The following COL5A3 variants were observed in gnomAD, a reference collection of about 807,000 sequenced individuals.
COL5A3 encodes collagen alpha-3(V) chain.
In COL5A3, 172 loss-of-function variants were observed where a neutral mutation model predicts 250.0. That is an observed-to-expected ratio of 0.69 (90% confidence interval 0.61 to 0.78). The LOEUF (loss-of-function observed/expected upper bound fraction) is 0.78. Among genes scored for constraint, COL5A3 ranks in the 30% least tolerant of loss-of-function variants. The pLI is 0.00. For synonymous variants in COL5A3, 937 were observed against 900.4 expected, an observed-to-expected ratio of 1.04 and a Z score of -0.73; for missense variants, 2,340 against 2,334.4, an observed-to-expected ratio of 1.00 and a Z score of -0.05.
chr19:9,977,304 G>A lies in COL5A3; in HGVS notation c.3235-22C>T, dbSNP rs2086936057. The A allele has an allele frequency of 2.5e-6, 4 of 1,613,846 alleles. No homozygotes were observed. In the South Asian group the frequency reaches 3.3e-5, roughly 13 times the overall value. On this transcript the variant is annotated intron_variant, in intron 43 of 66. Transcript: ENST00000264828. ...CCCCCTGCAGAGGAAATGGGATGAA[G>A]GACCCAGCTTCCATTCACCCCCATC...
At chr19:9,988,851 A>AGAGAGAGAG (rs538318191) in intron 27 of COL5A3, among the ~76,000 whole-genome samples, 3,344 of 67,178 alleles carry the variant, frequency 0.05, 145 homozygotes, top group East Asian at 0.2. Context: ...AAAAAAAAAA[A>AGAGAGAGAG]AAAAAAAGAA....
At position 9,996,240 on chromosome 19, in the gene COL5A3, C is replaced by A; in HGVS notation, c.1445G>T (p.Gly482Val). Residue 482 changes from glycine to valine, a missense_variant, in exon 14 of 67, where the codon GGT (glycine) becomes GTT (valine). This residue lies in a region of COL5A3 where 1,152 missense variants were observed against 1,146.3 expected (regional missense o/e 1.00). Coordinates refer to ENST00000264828, the MANE Select transcript of COL5A3 (RefSeq NM_015719.4). Reference protein sequence around the residue: ...QTQLSMKGPPGPVGLTGRPGP... With the variant: ...QTQLSMKGPPVPVGLTGRPGP... Reference sequence around the variant, plus strand: ...TGGGCGCCCAGTGAGCCCCACTGGACCAGGGGGGCCTTTCATAGAGAGCTG... The same window carrying A: ...TGGGCGCCCAGTGAGCCCCACTGGAACAGGGGGGCCTTTCATAGAGAGCTG... The A allele has an allele frequency of 6.3e-7, 1 of 1,576,148 alleles. No individual in the cohort carries two copies. Among genetic ancestry groups the A allele is most frequent in the Non-Finnish European group, 8.6e-7 (1 of 1,163,466 alleles).
intron 35 of COL5A3, 65 bp downstream of exon 35, chr19:9,980,583 C>T (rs902934939): frequency 4.5e-6 from 7 of 1,560,776 alleles, no homozygotes; most frequent in Non-Finnish European, 6.1e-6. Flanking sequence ...GTTTGTCCTC[C>T]ACTCAGAATC....
intron 8 of COL5A3, 80 bp from the exon 9 acceptor site, chr19:9,998,229 CTT>C: frequency 4.6e-6 from 6 of 1,299,588 alleles, no homozygotes; most frequent in Non-Finnish European, 6.4e-6. Flanking sequence ...ATCACACACA[CTT>C]GCACACACAC....
chr19:9,980,330 C>T lies in COL5A3; in HGVS notation c.2605-283G>A, dbSNP rs189674701. 5.9e-5 allele frequency among the ~76,000 whole-genome samples: 9 copies of T among 152,302 alleles called. No homozygotes were observed. The East Asian group carries it at 1.7e-3, about 29-fold the overall frequency. On this transcript the variant is annotated intron_variant, in intron 35 of 66. Coordinates refer to ENST00000264828, the MANE Select transcript of COL5A3 (RefSeq NM_015719.4). ...GTGAGTGGCAGAGCCAGGACTTGAA[C>T]TCATGGCTCTCTGACTTCACAGGCT...
At position 9,968,274 on chromosome 19, in the gene COL5A3, C is replaced by A; in HGVS notation, c.4314+111G>T. ...CCCAGATACATCCCCCTATTTTCCC[C>A]ACACACACCCTCATTAATCCAGACC... On this transcript the variant is annotated intron_variant, in intron 59 of 66. Transcript: ENST00000264828. The surrounding 1 kb of genome is among the most constrained non-coding windows in gnomAD (Gnocchi z 4.1). The A allele has an allele frequency of 1.9e-6, 2 of 1,056,340 alleles. No homozygotes were observed. Among genetic ancestry groups the A allele is most frequent in the Non-Finnish European group, 2.8e-6 (2 of 705,704 alleles). 65.4% of individuals were successfully genotyped at this position (1,056,340 alleles called of 1,614,324 possible).
chr19:9,987,566 A>G, intron 27 of COL5A3, among the ~76,000 whole-genome samples: 1 of 150,266 alleles, frequency 6.7e-6, no homozygotes, highest in East Asian at 2.0e-4. Context: ...GGAAAACCTC[A>G]TCTATACAAA....
In COL5A3 at chr19:9,976,550, G is replaced by A. The variant is rs752463783; in HGVS notation, c.3342+8C>T. 74 of 1,562,154 alleles carry A rather than the reference G, an allele frequency of 4.7e-5. No individual in the cohort carries two copies. The East Asian group carries it at 1.5e-3, about 31-fold the overall frequency. ...CCAGAGAAGGACTGAAAAGATGGGG[G>A]CACTCACCGGGGGACCTGGGTGTCC... On this transcript the variant is annotated splice_region_variant and intron_variant, in intron 45 of 66. Coordinates refer to ENST00000264828, the MANE Select transcript of COL5A3 (RefSeq NM_015719.4).
chr19:9,981,423 G>A (rs2087007052), intron 32 of COL5A3, among the ~76,000 whole-genome samples: 1 of 152,178 alleles, frequency 6.6e-6, no homozygotes, highest in Admixed American at 6.5e-5. Flanking sequence ...ATGATTGCAT[G>A]TAATCATGGC....
intron 31 of COL5A3, 36 bp downstream of exon 31, chr19:9,985,806 C>G: frequency 6.3e-7 from 1 of 1,587,958 alleles, no homozygotes. Context: ...GAATCCTGCC[C>G]ATATCCATCT....
intron 10 of COL5A3, 143 bp from the exon 11 acceptor site, chr19:9,997,576 C>A (rs1343428565): frequency 3.3e-6 from 2 of 611,126 alleles, no homozygotes; most frequent in Non-Finnish European, 5.8e-6. Context: ...CAATACTGAC[C>A]CCCACTCACC....
chr19:9,996,002 G>A (rs907025984), intron 15 of COL5A3, 64 bp downstream of exon 15: 7 of 1,416,458 alleles, frequency 4.9e-6, no homozygotes, highest in Non-Finnish European at 6.6e-6. Flanking sequence ...ATCCAGCACT[G>A]TATCTTGTGG....
intron 28 of COL5A3, 27 bp downstream of exon 28, chr19:9,986,687 C>T (rs773796864): frequency 1.2e-6 from 2 of 1,613,810 alleles, no homozygotes; most frequent in East Asian, 2.2e-5. Context: ...GACTCCCTCT[C>T]CTCTGATGAG....
In COL5A3 at chr19:9,973,617, G is replaced by A. The variant is rs1323427594; in HGVS notation, c.3619C>T (p.Arg1207Ter). 6.2e-6 allele frequency: 10 copies of A among 1,612,422 alleles called. No homozygotes were observed. Among genetic ancestry groups the A allele is most frequent in the South Asian group, 2.2e-5 (2 of 90,824 alleles). Residue 1207 changes from arginine (R) to a stop codon, truncating the protein, a stop_gained, in exon 50 of 67, where the codon CGA becomes TGA. Coordinates refer to ENST00000264828, the MANE Select transcript of COL5A3 (RefSeq NM_015719.4). LOFTEE classifies it high-confidence loss of function. ...GGCCCTGGGTCTCCAGCGTCCCCTC[G>A]CTCACCCTGCAGGAGGCAAAGTGAG... ...QPGAVGEKGE[R>*]GDAGDPGPPG...
chr19:9,971,141 G>A (rs2086839863), intron 52 of COL5A3, 64 bp downstream of exon 52: 1 of 1,416,510 alleles, frequency 7.1e-7, no homozygotes, highest in African/African-American at 1.5e-5. Context: ...CCAGGTCTGT[G>A]GGGGTAGGGA....
rs760851630 is a variant in COL5A3 at position 10,001,802 on chromosome 19, G to A, written c.929C>T (p.Thr310Ile). 12 of 1,614,018 alleles carry A rather than the reference G, an allele frequency of 7.4e-6. No individual in the cohort carries two copies. The highest frequency in any genetic ancestry group is 3.3e-5 in the Admixed American group (2 of 60,002). ...CGTGGCATTGAGTCCAGTAGTCACAGTGGAGGTGACGACCAAAGGCGTGGG... is the reference window on the plus strand; with the variant it reads ...CGTGGCATTGAGTCCAGTAGTCACAATGGAGGTGACGACCAAAGGCGTGGG... ...PTPTPLVVTS[T>I]VTTGLNATIL... The change falls in exon 7 of 67, where the codon ACT (threonine) becomes ATT (isoleucine). Residue 310 changes from threonine (T) to isoleucine (I), a missense_variant. By Grantham distance (89) the Thr-to-Ile change is moderately conservative. This residue lies in a region of COL5A3 where 1,152 missense variants were observed against 1,146.3 expected (regional missense o/e 1.00). Coordinates refer to ENST00000264828, the MANE Select transcript of COL5A3 (RefSeq NM_015719.4).
rs148376862 is a variant in COL5A3 at position 9,972,911 on chromosome 19, G to A, written c.3774+8C>T. 2 of 1,597,612 alleles carry A rather than the reference G, an allele frequency of 1.3e-6. No individual in the cohort carries two copies. The highest frequency in any genetic ancestry group is 1.7e-6 in the Non-Finnish European group (2 of 1,171,744). On this transcript the variant is annotated splice_region_variant and intron_variant, in intron 51 of 66. Coordinates refer to ENST00000264828, the MANE Select transcript of COL5A3 (RefSeq NM_015719.4). ...CCATGTCTGCCCCCACTTCCCCCCA[G>A]GACTCACCACGCTCCCTTTGGCTCC...
chr19:10,006,294 A>G (rs1198327439), intron 1 of COL5A3, 63 bp from the exon 2 acceptor site: 10 of 1,457,388 alleles, frequency 6.9e-6, no homozygotes, highest in Non-Finnish European at 9.2e-6. Context: ...TAAGCCCAGG[A>G]CTCCAGGATA....
Position 9,971,480 on chromosome 19 carries a change from G to T in COL5A3, c.3775-222C>A, listed in dbSNP as rs978498895. Reference sequence around the variant, plus strand: ...ATGGTCTCACTGCAGCGTCCTCACAGCCTCTCAGCTCGGGACTCACAGAGA... The same window carrying T: ...ATGGTCTCACTGCAGCGTCCTCACATCCTCTCAGCTCGGGACTCACAGAGA... On this transcript the variant is annotated intron_variant, in intron 51 of 66. Transcript: ENST00000264828. Among the ~76,000 whole-genome samples, 22 of 152,182 alleles carry T rather than the reference G, an allele frequency of 1.4e-4. 1 individual carries two copies. The highest frequency in any genetic ancestry group is 2.9e-5 in the Non-Finnish European group (2 of 68,038).
Sources: allele counts gnomAD v4.1 joint callset (sites outside exome capture counted in the v4.1 genomes callset), GRCh38; gene constraint gnomAD v4.1.1; regional missense constraint gnomAD v4.1.1; non-coding constraint Gnocchi (gnomAD v3.1); transcripts MANE v1.5; gene names NCBI Gene and HGNC (gene_info 2026-07-23, HGNC 2026-07-21).